HS3ST3B1: variants seen among roughly 807,000 people sequenced by gnomAD.
HS3ST3B1 encodes heparan sulfate-glucosamine 3-sulfotransferase 3B1, also known as heparan sulfate glucosamine 3-O-sulfotransferase 3B1.
In HS3ST3B1, 13 loss-of-function variants were observed where a neutral mutation model predicts 21.3. That is an observed-to-expected ratio of 0.61 (90% CI 0.40 to 0.97). The LOEUF is 0.97. Among genes scored for constraint, HS3ST3B1 ranks in the 50% least tolerant of loss-of-function variants. The pLI, the probability that HS3ST3B1 is intolerant of heterozygous loss-of-function variation, is 0.00. For synonymous variants in HS3ST3B1, 234 were observed against 254.8 expected, an observed-to-expected ratio of 0.92 and a Z score of 0.78; for missense variants, 459 against 554.8, an observed-to-expected ratio of 0.83 and a Z score of 1.73.
chr17:14,341,333 C>G (rs188754372), intron 1 of HS3ST3B1, among the ~76,000 whole-genome samples: 121 of 152,272 alleles, frequency 7.9e-4, no homozygotes, highest in Admixed American at 2.7e-3. Context: ...GCCAAACCTC[C>G]CTCATTGCCC....
Position 14,301,923 on chromosome 17 carries a change from G to A in HS3ST3B1, c.405G>A (p.Lys135=). ...ISSFFSGSGS[K]QLPQAIIIGV... is the part of the protein sequence containing the mutation. ...GCTTTTTCAGTGGGTCTGGGAGCAA[G>A]CAGCTGCCGCAGGCCATCATCATCG... Residue 135 remains lysine (K), a synonymous_variant, in exon 1 of 2, where the codon AAG becomes AAA. Transcript: ENST00000360954. 1 of 1,609,300 alleles carries A rather than the reference G, an allele frequency of 6.2e-7. No individual in the cohort carries two copies. Among genetic ancestry groups the A allele is most frequent in the African/African-American group, 1.3e-5 (1 of 75,036 alleles).
Position 14,345,389 on chromosome 17 carries a change from G to C in HS3ST3B1, c.916G>C (p.Gly306Arg). The change falls in exon 2 of 2, where the codon GGG (glycine) becomes CGG (arginine). Residue 306 changes from glycine (G) to arginine (R), a missense_variant. By Grantham distance (125) the Gly-to-Arg change is moderately radical. This residue lies in a region of HS3ST3B1 where 127 missense variants were observed against 209.9 expected (regional missense o/e 0.60). Coordinates refer to ENST00000360954, the MANE Select transcript of HS3ST3B1 (RefSeq NM_006041.3). ...CGAGCGGCTCATCAGCGACCCGGCC[G>C]GGGAGCTGGGCCGCGTGCAAGACTT... ...SGERLISDPA[G>R]ELGRVQDFLG... is the part of the protein sequence containing the mutation. The C allele has an allele frequency of 2.5e-6, 3 of 1,191,080 alleles. No homozygotes were observed. Among genetic ancestry groups the C allele is most frequent in the Non-Finnish European group, 3.6e-6 (3 of 841,236 alleles). The allele number at this position is 1,191,080 out of a possible 1,614,324, so 73.8% of individuals were successfully genotyped here. A position where few individuals can be genotyped will look rare whatever the true frequency, so the allele number is the denominator to read the frequency against.
At chr17:14,330,550 G>GGTGTGTGTGTGTGT (rs60767866) in intron 1 of HS3ST3B1, among the ~76,000 whole-genome samples, 2,572 of 144,144 alleles carry the variant, frequency 0.018, 37 homozygotes, top group Non-Finnish European at 0.024. Flanking sequence ...CTGGTTTCCC[G>GGTGTGTGTGTGTGT]GTGTGTGTGT....
At chr17:14,321,225 T>C (rs1349624339) in intron 1 of HS3ST3B1, among the ~76,000 whole-genome samples, 1 of 152,220 alleles carries the variant, frequency 6.6e-6, no homozygotes, top group Non-Finnish European at 1.5e-5. Flanking sequence ...AATTTCCAGC[T>C]GAGAGGCTAC....
At chr17:14,322,702 G>A (rs1486158543) in intron 1 of HS3ST3B1, among the ~76,000 whole-genome samples, 1 of 151,940 alleles carries the variant, frequency 6.6e-6, no homozygotes, top group Non-Finnish European at 1.5e-5. Flanking sequence ...AGAAAACCTG[G>A]AAGAGTCCAT....
chr17:14,317,035 C>T (rs577244569), intron 1 of HS3ST3B1, among the ~76,000 whole-genome samples: 2 of 152,340 alleles, frequency 1.3e-5, no homozygotes, highest in African/African-American at 4.8e-5. Context: ...TGAGCCCTTG[C>T]TCAGGAGGAG....
At chr17:14,342,837 A>T (rs1310455639) in intron 1 of HS3ST3B1, among the ~76,000 whole-genome samples, 3 of 152,252 alleles carry the variant, frequency 2.0e-5, no homozygotes, top group Non-Finnish European at 4.4e-5. Flanking sequence ...AAACTGAGTC[A>T]GCTTTATGAA....
chr17:14,313,414 G>T (rs2142329759), intron 1 of HS3ST3B1, among the ~76,000 whole-genome samples: 1 of 151,970 alleles, frequency 6.6e-6, no homozygotes, highest in African/African-American at 2.4e-5. Flanking sequence ...TTGCTTCTCT[G>T]CAGGACCTCC....
At chr17:14,331,422 T>G (rs1264503828) in intron 1 of HS3ST3B1, among the ~76,000 whole-genome samples, 4 of 152,082 alleles carry the variant, frequency 2.6e-5, no homozygotes, top group African/African-American at 4.8e-5. Context: ...GATGCTCTTT[T>G]GAGCTCCACC....
Position 14,302,690 on chromosome 17 carries a change from C to A in HS3ST3B1, c.554+618C>A, listed in dbSNP as rs562475143. ...AGCCGGGCGGGTGGCCCGGCGCCTCCGCCTGGCGGGCGGGCGGCGCGCGGA... is the reference window on the plus strand; with the variant it reads ...AGCCGGGCGGGTGGCCCGGCGCCTCAGCCTGGCGGGCGGGCGGCGCGCGGA... On this transcript the variant is annotated intron_variant, in intron 1 of 1. Transcript: ENST00000360954. 2.0e-5 allele frequency among the ~76,000 whole-genome samples: 3 copies of A among 152,166 alleles called. No individual in the cohort carries two copies. The South Asian group carries it at 6.2e-4, about 32-fold the overall frequency.
At chr17:14,318,266 C>T (rs540463708) in intron 1 of HS3ST3B1, among the ~76,000 whole-genome samples, 1 of 152,348 alleles carries the variant, frequency 6.6e-6, no homozygotes, top group East Asian at 1.9e-4. Context: ...CACCTCTCCT[C>T]TCCCTTCACC....
Position 14,301,926 on chromosome 17 carries a change from G to A in HS3ST3B1, c.408G>A (p.Gln136=). ...SSFFSGSGSK[Q]LPQAIIIGVK... ...TTTTCAGTGGGTCTGGGAGCAAGCA[G>A]CTGCCGCAGGCCATCATCATCGGCG... The change falls in exon 1 of 2, where the codon CAG becomes CAA. Residue 136 remains glutamine, a synonymous_variant. Coordinates refer to ENST00000360954, the MANE Select transcript of HS3ST3B1 (RefSeq NM_006041.3). 1 of 1,609,414 alleles carries A rather than the reference G, an allele frequency of 6.2e-7. No individual in the cohort carries two copies. Among genetic ancestry groups the A allele is most frequent in the Non-Finnish European group, 8.5e-7 (1 of 1,178,596 alleles).
chr17:14,318,784 AT>A (rs1356553567), intron 1 of HS3ST3B1, among the ~76,000 whole-genome samples: 1 of 152,040 alleles, frequency 6.6e-6, no homozygotes. Flanking sequence ...TTTCACTGTT[AT>A]TTTTGGGATG....
rs748880147 is a variant in HS3ST3B1 at position 14,301,501 on chromosome 17, C to T, written c.-18C>T. On this transcript the variant is annotated 5_prime_UTR_variant, in exon 1 of 2. Coordinates refer to ENST00000360954, the MANE Select transcript of HS3ST3B1 (RefSeq NM_006041.3). ...CCATGTGCTGAGCCATGTCCCTGGCCGCGCCCGCGGGCAGCGCATGGGGCA... is the reference window on the plus strand; with the variant it reads ...CCATGTGCTGAGCCATGTCCCTGGCTGCGCCCGCGGGCAGCGCATGGGGCA... 2 of 1,495,000 alleles carry T rather than the reference C, an allele frequency of 1.3e-6. No homozygotes were observed. The highest frequency in any genetic ancestry group is 2.2e-5 in the Admixed American group (1 of 45,086). 92.6% of individuals were successfully genotyped at this position (1,495,000 alleles called of 1,614,324 possible). A position where few individuals can be genotyped will look rare whatever the true frequency, so the allele number is the denominator to read the frequency against.
At chr17:14,340,950 TCA>T (rs1005575576) in intron 1 of HS3ST3B1, among the ~76,000 whole-genome samples, 1 of 152,100 alleles carries the variant, frequency 6.6e-6, no homozygotes, top group Non-Finnish European at 1.5e-5. Context: ...TTCCCCTGGC[TCA>T]GTTATTTTGA....
chr17:14,334,050 C>T (rs762230548), intron 1 of HS3ST3B1, among the ~76,000 whole-genome samples: 3 of 152,176 alleles, frequency 2.0e-5, no homozygotes, highest in African/African-American at 4.8e-5. Flanking sequence ...CGTGAGCCAC[C>T]GCGCCCGGCC....
At chr17:14,312,323 C>T (rs1567636927) in intron 1 of HS3ST3B1, among the ~76,000 whole-genome samples, 1 of 152,132 alleles carries the variant, frequency 6.6e-6, no homozygotes, top group South Asian at 2.1e-4. Flanking sequence ...TCCCTGAGGG[C>T]CCTTCAAACT....
At chr17:14,314,128 C>T (rs1366803239) in intron 1 of HS3ST3B1, among the ~76,000 whole-genome samples, 1 of 151,876 alleles carries the variant, frequency 6.6e-6, no homozygotes, top group Non-Finnish European at 1.5e-5. Context: ...TACAGGCATG[C>T]ACCACCAGGC....
At chr17:14,336,660 G>A (rs1025703295) in intron 1 of HS3ST3B1, among the ~76,000 whole-genome samples, 10 of 152,180 alleles carry the variant, frequency 6.6e-5, no homozygotes, top group Non-Finnish European at 1.5e-4. Flanking sequence ...AAGGCAAGGG[G>A]CAGAGGCTAT....
Sources: allele counts gnomAD v4.1 joint callset (sites outside exome capture counted in the v4.1 genomes callset), GRCh38; gene constraint gnomAD v4.1.1; regional missense constraint gnomAD v4.1.1; transcripts MANE v1.5; gene names NCBI Gene and HGNC (gene_info 2026-07-23, HGNC 2026-07-21).